Variants in CACNA1H observed in about 807,000 individuals in gnomAD.
CACNA1H encodes calcium voltage-gated channel subunit alpha1 H.
A neutral mutation model predicts 192.5 loss-of-function variants in CACNA1H; 149 were observed. The observed-to-expected ratio is 0.77, with a 90% CI of 0.68 to 0.89. The LOEUF (loss-of-function observed/expected upper bound fraction) is 0.89. CACNA1H is among the 40% of genes least tolerant of loss of function. The pLI is 0.00. For missense variants in CACNA1H, 4,257 were observed against 3,423.5 expected (o/e 1.24, Z -6.08); for synonymous variants, 2,202 against 1,475.2 (o/e 1.49, Z -11.29).
chr16:1,218,829 G>T, intron 33 of CACNA1H, 141 bp from the exon 34 acceptor site: 1 of 1,120,396 alleles, frequency 8.9e-7, no homozygotes. Flanking sequence ...GGCTGGGTGT[G>T]GGCAGGTGAG....
intron 2 of CACNA1H, among the ~76,000 whole-genome samples, chr16:1,155,412 G>A (rs985145349): frequency 6.6e-6 from 1 of 152,236 alleles, no homozygotes; most frequent in African/African-American, 2.4e-5. Flanking sequence ...ACCAAGGCGG[G>A]AGGTGGTCAT....
At chr16:1,203,874 G>A (rs1029993441) in intron 9 of CACNA1H, 136 bp from the exon 10 acceptor site, 30 of 631,158 alleles carry the variant, frequency 4.8e-5, no homozygotes, top group South Asian at 3.7e-4. Flanking sequence ...CCAGTCACAG[G>A]TTCTGGAGGT....
intron 30 of CACNA1H, among the ~76,000 whole-genome samples, 152 bp from the exon 31 acceptor site, chr16:1,216,780 T>C (rs1046186472): frequency 2.3e-5 from 3 of 129,630 alleles, no homozygotes; most frequent in Admixed American, 8.0e-5. Flanking sequence ...CCCGCCCAGC[T>C]CTGGGAACTT....
At chr16:1,173,244 G>A (rs111915805) in intron 2 of CACNA1H, among the ~76,000 whole-genome samples, 2,904 of 152,304 alleles carry the variant, frequency 0.019, 67 homozygotes, top group African/African-American at 0.052. Context: ...GGGAGGAAAG[G>A]GGTGCGGAGC....
intron 2 of CACNA1H, among the ~76,000 whole-genome samples, chr16:1,157,409 C>T (rs1010031719): frequency 2.6e-5 from 4 of 152,216 alleles, no homozygotes; most frequent in Non-Finnish European, 1.5e-5. Flanking sequence ...CTCTGAGGGC[C>T]ACGTGTTTGG....
rs56875953 is a variant in CACNA1H at position 1,202,433 on chromosome 16, G to T, written c.1983G>T (p.Pro661=). 5.3e-6 allele frequency: 8 copies of T among 1,503,900 alleles called. No homozygotes were observed. The Admixed American group carries it at 8.4e-5, about 16-fold the overall frequency. The allele number at this position is 1,503,900 out of a possible 1,614,324, so 93.2% of individuals were successfully genotyped here. A position where few individuals can be genotyped will look rare whatever the true frequency, so the allele number is the denominator to read the frequency against. Residue 661 remains proline, a synonymous_variant, in exon 9 of 35, where the codon CCG becomes CCT. Transcript: ENST00000348261. ...GCCCTGATCCCTACGAGAAGATCCCGCATGTGGTCGGGGAGCATGGTGAGG... is the reference window on the plus strand; with the variant it reads ...GCCCTGATCCCTACGAGAAGATCCCTCATGTGGTCGGGGAGCATGGTGAGG... ...LNSPDPYEKI[P]HVVGEHGLGQ...
chr16:1,192,810 A>G (rs1029430220), intron 2 of CACNA1H, among the ~76,000 whole-genome samples: 1 of 152,092 alleles, frequency 6.6e-6, no homozygotes, highest in South Asian at 2.1e-4. Context: ...GGCGGGTCTC[A>G]GCCCTCAGTC....
At chr16:1,154,131 C>T (rs1049253328) in intron 2 of CACNA1H, 95 bp downstream of exon 2, 4 of 1,022,270 alleles carry the variant, frequency 3.9e-6, no homozygotes, top group African/African-American at 1.7e-5. Flanking sequence ...CCCCCGCGCG[C>T]CCCTGTTGGT....
chr16:1,166,668 C>T (rs896239719), intron 2 of CACNA1H, among the ~76,000 whole-genome samples: 2 of 152,122 alleles, frequency 1.3e-5, no homozygotes, highest in African/African-American at 4.8e-5. Context: ...CTGTTCTGGA[C>T]GTTCCCTGTA....
intron 2 of CACNA1H, among the ~76,000 whole-genome samples, chr16:1,186,566 G>A (rs1484137378): frequency 6.6e-6 from 1 of 152,060 alleles, no homozygotes; most frequent in Non-Finnish European, 1.5e-5. Context: ...CTGTACCTCT[G>A]CACACGTGCC....
chr16:1,211,966 C>T lies in CACNA1H; in HGVS notation c.4587C>T (p.Pro1529=), dbSNP rs1410934715. The part of the protein sequence containing the change: ...VDQQPVQNHN[P]WMLLYFISFL... Reference sequence around the variant, plus strand: ...CACAGCCTGTGCAGAACCACAACCCCTGGATGCTGCTGTACTTCATCTCCT... The same window carrying T: ...CACAGCCTGTGCAGAACCACAACCCTTGGATGCTGCTGTACTTCATCTCCT... The change falls in exon 25 of 35, where the codon CCC becomes CCT. Residue 1529 remains proline, a synonymous_variant. Coordinates refer to ENST00000348261, the MANE Select transcript of CACNA1H (RefSeq NM_021098.3). The T allele has an allele frequency of 1.2e-5, 20 of 1,613,388 alleles. No individual in the cohort carries two copies. The highest frequency in any genetic ancestry group is 2.2e-5 in the East Asian group (1 of 44,890).
intron 2 of CACNA1H, among the ~76,000 whole-genome samples, chr16:1,177,021 C>G (rs940135678): frequency 3.3e-5 from 5 of 152,202 alleles, no homozygotes; most frequent in Non-Finnish European, 7.4e-5. Context: ...CTCACTCCCT[C>G]CCCCCAGGAG....
In CACNA1H at chr16:1,218,583, C is replaced by A. The variant is rs1211808817; in HGVS notation, c.5819C>A (p.Ala1940Asp). ...TACATGTTCAGGCCCGTGGTGCCTG[C>A]CTCGGCGCCCCACCCCCGCCCGCTG... ...DSYMFRPVVP[A>D]SAPHPRPLQE... Residue 1940 changes from alanine to aspartate, a missense_variant, in exon 33 of 35, where the codon GCC becomes GAC. Physicochemically the swap from Ala to Asp is moderately radical, Grantham distance 126 (BLOSUM62 -2). Transcript: ENST00000348261. 1 of 1,565,330 alleles carries A rather than the reference C, an allele frequency of 6.4e-7. No individual in the cohort carries two copies. Among genetic ancestry groups the A allele is most frequent in the Admixed American group, 1.9e-5 (1 of 52,924 alleles).
chr16:1,169,920 G>A (rs560804011), intron 2 of CACNA1H, among the ~76,000 whole-genome samples: 14 of 152,390 alleles, frequency 9.2e-5, no homozygotes, highest in African/African-American at 2.2e-4. Context: ...GGAGCTGGGC[G>A]GCTGGGGTGT....
intron 12 of CACNA1H, chr16:1,206,614 G>C: frequency 2.3e-6 from 1 of 442,652 alleles, no homozygotes; most frequent in South Asian, 2.9e-5. Flanking sequence ...CGCCTGCTGT[G>C]TGCCCGTCTA....
In CACNA1H at chr16:1,207,245, GACC is replaced by G. The variant is rs754321882; in HGVS notation, c.2908-26_2908-24del. The G allele has an allele frequency of 2.5e-6, 4 of 1,581,020 alleles. No homozygotes were observed. The Admixed American group carries it at 7.1e-5, about 28-fold the overall frequency. On this transcript the variant is annotated intron_variant, in intron 13 of 34. Transcript: ENST00000348261. Reference sequence around the variant, plus strand: ...CTTGCCGGCATTTCGGGGCTGGGGTGACCACCCCAGGCCCCCTGCTATCCCCCA... The same window carrying G: ...CTTGCCGGCATTTCGGGGCTGGGGTGACCCCAGGCCCCCTGCTATCCCCCA...
rs1250834818 is a variant in CACNA1H, at chr16:1,210,483, C to T, written c.3959C>T (p.Pro1320Leu). The T allele has an allele frequency of 6.2e-7, 1 of 1,611,760 alleles. No individual in the cohort carries two copies. The highest frequency in any genetic ancestry group is 2.2e-5 in the East Asian group (1 of 44,870). ...TIALERPDID[P>L]GSTERVFLSV... ...GCCCTGGAGAGGCCTGACATTGATC[C>T]CGGCAGCACCGTGAGTCAGCCAACC... is the stretch of plus-strand genomic sequence containing the variant. Residue 1320 changes from proline to leucine, a missense_variant, in exon 19 of 35, where the codon CCC (proline) becomes CTC (leucine). Physicochemically the swap from Pro to Leu is moderately conservative, Grantham distance 98. Coordinates refer to ENST00000348261, the MANE Select transcript of CACNA1H (RefSeq NM_021098.3).
rs767864849 is a variant in CACNA1H, at chr16:1,215,204, G to A, written c.5040-38G>A. On this transcript the variant is annotated intron_variant, in intron 28 of 34. Coordinates refer to ENST00000348261, the MANE Select transcript of CACNA1H (RefSeq NM_021098.3). ...AAGCAACGCTGCTGAGCCGAGGCGGGGACCCCAGACGTGTGCGCTGAGCCT... is the reference window on the plus strand; with the variant it reads ...AAGCAACGCTGCTGAGCCGAGGCGGAGACCCCAGACGTGTGCGCTGAGCCT... The A allele has an allele frequency of 1.0e-5, 16 of 1,587,862 alleles. No individual in the cohort carries two copies. The African/African-American group carries it at 1.7e-4, about 17-fold the overall frequency.
chr16:1,190,197 C>T (rs987258540), intron 2 of CACNA1H, among the ~76,000 whole-genome samples: 1 of 152,248 alleles, frequency 6.6e-6, no homozygotes, highest in Non-Finnish European at 1.5e-5. Flanking sequence ...AGCCAGCAGG[C>T]CCCCTCCCAG....
Sources: gnomAD v4.1 joint callset for allele counts (sites outside exome capture counted in the v4.1 genomes callset) on GRCh38, gnomAD v4.1.1 for gene constraint, MANE v1.5 for transcripts, NCBI Gene and HGNC (gene_info 2026-07-23, HGNC 2026-07-21) for gene names.